Variants in UPF2 observed in about 807,000 individuals in gnomAD.
UPF2 encodes UPF2 regulator of nonsense mediated mRNA decay, also known as regulator of nonsense transcripts 2.
Under a neutral mutation model 141.4 loss-of-function variants are expected in UPF2, and 17 were observed. The ratio of observed to expected loss-of-function variants is 0.12; its 90% CI spans 0.08 to 0.18. The LOEUF (loss-of-function observed/expected upper bound fraction) is 0.18, where lower values mean the gene tolerates loss of function less well. Ranked by LOEUF, UPF2 falls within the 10% of genes least tolerant of loss-of-function variation. UPF2 has a pLI of 1.00. For synonymous variants in UPF2, 540 were observed against 498.0 expected (o/e 1.08, Z -1.12); for missense variants, 1,152 against 1,515.9 (o/e 0.76, Z 3.99).
chr10:11,974,801 T>C lies in UPF2; in HGVS notation c.1953+4256A>G, dbSNP rs11591464. On this transcript the variant is annotated intron_variant, in intron 9 of 21. Transcript: ENST00000357604. The stretch of plus-strand genomic sequence containing the variant: ...GAGTTTTGAAACTCTTTAAAAACTT[T>C]TGTGAACCAGTGATCTCCAAAGTAG... Among the ~76,000 whole-genome samples, 1,146 of 152,314 alleles carry C rather than the reference T, an allele frequency of 7.5e-3. 5 individuals are homozygous for C. Among genetic ancestry groups the C allele is most frequent in the Middle Eastern group, 0.027 (8 of 294 alleles).
At chr10:12,001,915 G>C (rs1833959158) in intron 5 of UPF2, 90 bp from the exon 6 acceptor site, 7 of 1,223,592 alleles carry the variant, frequency 5.7e-6, no homozygotes, top group Non-Finnish European at 7.7e-6. Context: ...AAATCTGCAG[G>C]TTCTTTTAGA....
In UPF2 at chr10:11,921,437, G is replaced by A. The variant is rs1832643546; in HGVS notation, c.3810-130C>T. 51 of 1,085,920 alleles carry A rather than the reference G, an allele frequency of 4.7e-5. 1 individual carries two copies. Among genetic ancestry groups the A allele is most frequent in the East Asian group, 3.1e-4 (13 of 42,136 alleles). 67.3% of individuals were successfully genotyped at this position (1,085,920 alleles called of 1,614,324 possible). A position where few individuals can be genotyped will look rare whatever the true frequency, so the allele number is the denominator to read the frequency against. ...AGTTACAGGTGGCCCTGGCATCTGCGGGTTCCACATCCATGGACCAAAAAT... is the reference window on the plus strand; with the variant it reads ...AGTTACAGGTGGCCCTGGCATCTGCAGGTTCCACATCCATGGACCAAAAAT... On this transcript the variant is annotated intron_variant, in intron 21 of 21. Coordinates refer to ENST00000357604, the MANE Select transcript of UPF2 (RefSeq NM_015542.4). This position sits in a 1 kb window ranked among gnomAD's most constrained non-coding sequence, Gnocchi z 5.9.
chr10:11,964,710 A>G (rs1253653274), intron 10 of UPF2, among the ~76,000 whole-genome samples: 3 of 152,204 alleles, frequency 2.0e-5, no homozygotes, highest in Admixed American at 6.5e-5. Flanking sequence ...GTGCTACATA[A>G]TATGAACGAG....
chr10:12,009,172 T>G (rs1235228449), intron 4 of UPF2, among the ~76,000 whole-genome samples: 1 of 152,166 alleles, frequency 6.6e-6, no homozygotes, highest in East Asian at 1.9e-4. Flanking sequence ...CATATATCCT[T>G]TTAACCCAAG....
rs548003143 is a variant in UPF2 at position 12,023,140 on chromosome 10, T to A, written c.1145+5605A>T. On this transcript the variant is annotated intron_variant, in intron 3 of 21. Transcript: ENST00000357604. Reference sequence around the variant, plus strand: ...CTGTAACATAATTGAGTTATAGCCATGAAAATGAAATCATTTCTTCATCCA... The same window carrying A: ...CTGTAACATAATTGAGTTATAGCCAAGAAAATGAAATCATTTCTTCATCCA... 5.8e-4 allele frequency among the ~76,000 whole-genome samples: 89 copies of A among 152,340 alleles called. 1 individual carries two copies. The highest frequency in any genetic ancestry group is 2.0e-3 in the African/African-American group (85 of 41,580).
At position 11,956,274 on chromosome 10, in the gene UPF2, T is replaced by G. The variant is rs200451563; in HGVS notation, c.2574+46A>C. ...CAATAGTAACCTAGAAATAATAAAT[T>G]CTCCACGAATTCCAGTTGTGTGACA... On this transcript the variant is annotated intron_variant, in intron 13 of 21. Coordinates refer to ENST00000357604, the MANE Select transcript of UPF2 (RefSeq NM_015542.4). This position sits in a 1 kb window ranked among gnomAD's most constrained non-coding sequence, Gnocchi z 4.2. 9.7e-5 allele frequency: 152 copies of G among 1,562,280 alleles called. No individual in the cohort carries two copies. In the African/African-American group the frequency reaches 1.9e-3, roughly 20 times the overall value.
At chr10:11,924,337 G>T (rs1458094027) in intron 21 of UPF2, among the ~76,000 whole-genome samples, 4 of 152,200 alleles carry the variant, frequency 2.6e-5, no homozygotes, top group Non-Finnish European at 5.9e-5. Flanking sequence ...CAGCACTTTG[G>T]GAGGTCCAGG....
In UPF2 at chr10:12,035,361, CTTG is replaced by C. The variant is rs1834607068; in HGVS notation, c.60_62del (p.Asn20del). ...TCCGCCTTTCACTGCAGTCTTTTTCCTTGTTGTTTGGTAAAGAGTCTTTTTCTT... is the reference window on the plus strand; with the variant it reads ...TCCGCCTTTCACTGCAGTCTTTTTCCTTGTTTGGTAAAGAGTCTTTTTCTT... On this transcript the variant is annotated inframe_deletion, in exon 2 of 22. Transcript: ENST00000357604. 7 of 1,602,222 alleles carry C rather than the reference CTTG, an allele frequency of 4.4e-6. No individual in the cohort carries two copies. Among genetic ancestry groups the C allele is most frequent in the East Asian group, 4.5e-5 (2 of 44,770 alleles).
In UPF2 at chr10:11,967,321, T is replaced by A. The variant is rs117856064; in HGVS notation, c.2067+20A>T. 0.076 allele frequency: 101,614 copies of A among 1,330,022 alleles called. 4,492 individuals are homozygous for A. Among genetic ancestry groups the A allele is most frequent in the Middle Eastern group, 0.097 (503 of 5,174 alleles). 82.4% of individuals were successfully genotyped at this position (1,330,022 alleles called of 1,614,324 possible). A position where few individuals can be genotyped will look rare whatever the true frequency, so the allele number is the denominator to read the frequency against. ...CTTTAAACTTTTCAATTAAAAACAATCAACTAATTCAGCACTAACCTTTAA... is the reference window on the plus strand; with the variant it reads ...CTTTAAACTTTTCAATTAAAAACAAACAACTAATTCAGCACTAACCTTTAA... On this transcript the variant is annotated intron_variant, in intron 10 of 21. Coordinates refer to ENST00000357604, the MANE Select transcript of UPF2 (RefSeq NM_015542.4).
intron 8 of UPF2, 88 bp downstream of exon 8, chr10:11,997,583 GC>G: frequency 8.7e-7 from 1 of 1,155,668 alleles, no homozygotes; most frequent in South Asian, 1.4e-5. Context: ...AAAATCAAAA[GC>G]AATATTTTTC....
chr10:12,015,279 T>C (rs1257159858), intron 3 of UPF2, among the ~76,000 whole-genome samples: 1 of 152,234 alleles, frequency 6.6e-6, no homozygotes, highest in Non-Finnish European at 1.5e-5. Flanking sequence ...CCATCTTCCA[T>C]CTTCTAAAAG....
In UPF2 at chr10:11,921,455, C is replaced by A; in HGVS notation, c.3810-148G>T. On this transcript the variant is annotated intron_variant, in intron 21 of 21. Coordinates refer to ENST00000357604, the MANE Select transcript of UPF2 (RefSeq NM_015542.4). This position sits in a 1 kb window ranked among gnomAD's most constrained non-coding sequence, Gnocchi z 5.9. Reference sequence around the variant, plus strand: ...CATCTGCGGGTTCCACATCCATGGACCAAAAATATTCGGGGGAAAAAAACC... The same window carrying A: ...CATCTGCGGGTTCCACATCCATGGAACAAAAATATTCGGGGGAAAAAAACC... 2.4e-6 allele frequency: 2 copies of A among 819,480 alleles called. No homozygotes were observed. Among genetic ancestry groups the A allele is most frequent in the South Asian group, 3.2e-5 (2 of 62,016 alleles). The allele number at this position is 819,480 out of a possible 1,614,324, so 50.8% of individuals were successfully genotyped here.
At chr10:11,967,681 C>T (rs752235503) in intron 9 of UPF2, among the ~76,000 whole-genome samples, 2 of 151,198 alleles carry the variant, frequency 1.3e-5, no homozygotes, top group Non-Finnish European at 2.9e-5. Context: ...TCCCGAGTAG[C>T]TGGGATTACA....
chr10:11,928,519 C>A (rs866193286), intron 21 of UPF2, among the ~76,000 whole-genome samples: 8 of 151,658 alleles, frequency 5.3e-5, no homozygotes, highest in Non-Finnish European at 1.2e-4. Context: ...ACCATCCTGG[C>A]TAACACGGTG....
chr10:12,028,545 T>C (rs576661094), intron 3 of UPF2, among the ~76,000 whole-genome samples, 200 bp downstream of exon 3: 2 of 152,086 alleles, frequency 1.3e-5, no homozygotes, highest in African/African-American at 2.4e-5. Flanking sequence ...TTTTTTAAAA[T>C]CAGAAACAAA....
chr10:11,963,839 T>C (rs1158589312), intron 11 of UPF2, among the ~76,000 whole-genome samples, 170 bp downstream of exon 11: 1 of 152,252 alleles, frequency 6.6e-6, no homozygotes, highest in African/African-American at 2.4e-5. Context: ...GAAAAATGTC[T>C]ACAGCTCTCC....
At chr10:11,954,783 C>T (rs1241079945) in intron 14 of UPF2, among the ~76,000 whole-genome samples, 3 of 148,072 alleles carry the variant, frequency 2.0e-5, no homozygotes, top group African/African-American at 7.4e-5. Flanking sequence ...CAAGACCAAC[C>T]TGGCCAACAT....
rs762489197 is a variant in UPF2, at chr10:11,967,471, A to T, written c.1954-17T>A. ...TTTCCGTACCTAAAAATTAAGAGAG[A>T]AAAGATAATGCTTAATCAACATTTT... On this transcript the variant is annotated splice_polypyrimidine_tract_variant and intron_variant, in intron 9 of 21. Coordinates refer to ENST00000357604, the MANE Select transcript of UPF2 (RefSeq NM_015542.4). 1 of 1,435,474 alleles carries T rather than the reference A, an allele frequency of 7.0e-7. No homozygotes were observed. The highest frequency in any genetic ancestry group is 1.3e-5 in the South Asian group (1 of 78,480). 88.9% of individuals were successfully genotyped at this position (1,435,474 alleles called of 1,614,324 possible).
chr10:11,979,770 T>C lies in UPF2; in HGVS notation c.1845-605A>G, dbSNP rs906297510. ...AAATAAAAAAATTAGACAGGTATGG[T>C]GGCATGCGCCTGTAGTCACAGCTAC... On this transcript the variant is annotated intron_variant, in intron 8 of 21. Coordinates refer to ENST00000357604, the MANE Select transcript of UPF2 (RefSeq NM_015542.4). The surrounding 1 kb of genome is among the most constrained non-coding windows in gnomAD (Gnocchi z 6.2). 6.6e-6 allele frequency among the ~76,000 whole-genome samples: 1 copy of C among 152,154 alleles called. No homozygotes were observed. The highest frequency in any genetic ancestry group is 2.4e-5 in the African/African-American group (1 of 41,426).
Sources: gnomAD v4.1 joint callset for allele counts (sites outside exome capture counted in the v4.1 genomes callset) on GRCh38, gnomAD v4.1.1 for gene constraint, Gnocchi (gnomAD v3.1) non-coding constraint, MANE v1.5 for transcripts, NCBI Gene and HGNC (gene_info 2026-07-23, HGNC 2026-07-21) for gene names.